SEMA3D: variants seen among roughly 807,000 people sequenced by gnomAD.
SEMA3D encodes semaphorin 3D.
SEMA3D carries 84 observed loss-of-function variants against 100.1 expected under a neutral mutation model. That is an observed-to-expected ratio of 0.84 (90% CI 0.70 to 1.01). The LOEUF (loss-of-function observed/expected upper bound fraction) is 1.01. Among genes scored for constraint, SEMA3D ranks in the 50% least tolerant of loss-of-function variants. The pLI, the probability that SEMA3D is intolerant of heterozygous loss-of-function variation, is 0.00. For synonymous variants in SEMA3D, 312 were observed against 320.7 expected (o/e 0.97, Z 0.29); for missense variants, 875 against 934.1 (o/e 0.94, Z 0.82).
intron 1 of SEMA3D, among the ~76,000 whole-genome samples, chr7:85,154,786 A>C (rs1790535473): frequency 6.6e-6 from 1 of 152,184 alleles, no homozygotes. Context: ...GGCCCTAAAT[A>C]ATAGACAACC....
At chr7:85,091,503 TA>T (rs550466922) in intron 4 of SEMA3D, among the ~76,000 whole-genome samples, 41 of 144,404 alleles carry the variant, frequency 2.8e-4, no homozygotes, top group Admixed American at 2.8e-4. Flanking sequence ...ATGACTCCAT[TA>T]AAAAAAAAAG....
chr7:85,082,834 T>C (rs1005640073), intron 4 of SEMA3D, among the ~76,000 whole-genome samples: 23 of 152,184 alleles, frequency 1.5e-4, no homozygotes, highest in Non-Finnish European at 2.2e-4. Context: ...GATCTTAACA[T>C]TCACAAATTA....
At chr7:85,147,665 C>G (rs1173589724) in intron 2 of SEMA3D, among the ~76,000 whole-genome samples, 1 of 152,018 alleles carries the variant, frequency 6.6e-6, no homozygotes, top group Non-Finnish European at 1.5e-5. Flanking sequence ...TCAATTTTTT[C>G]AAGTACCTTA....
chr7:85,183,686 G>T (rs543945018), intron 1 of SEMA3D, among the ~76,000 whole-genome samples: 15 of 152,338 alleles, frequency 9.8e-5, no homozygotes, highest in African/African-American at 3.6e-4. Flanking sequence ...GCAAAAGAAA[G>T]CCACAGCAAT....
chr7:85,190,262 TTG>T (rs1189789088), upstream of SEMA3D, among the ~76,000 whole-genome samples: 1 of 152,000 alleles, frequency 6.6e-6, no homozygotes, highest in Non-Finnish European at 1.5e-5. Flanking sequence ...ACAAGAAAAA[TTG>T]TGTTAAAAAG....
intron 1 of SEMA3D, among the ~76,000 whole-genome samples, chr7:85,177,270 G>A (rs1791262839): frequency 1.3e-5 from 2 of 152,194 alleles, no homozygotes; most frequent in African/African-American, 2.4e-5. Context: ...TCTATATTGT[G>A]GAACACATGT....
intron 11 of SEMA3D, among the ~76,000 whole-genome samples, chr7:85,039,969 CTTTTTTTTT>C (rs776990536): frequency 6.6e-5 from 6 of 90,622 alleles, no homozygotes; most frequent in African/African-American, 2.5e-4. Flanking sequence ...TACGCAAACA[CTTTTTTTTT>C]TTTTTTTTTT....
intron 8 of SEMA3D, among the ~76,000 whole-genome samples, chr7:85,063,729 A>G (rs1408830423): frequency 6.6e-6 from 1 of 152,044 alleles, no homozygotes; most frequent in Non-Finnish European, 1.5e-5. Flanking sequence ...AAAACATGCT[A>G]TTGTTTTTGT....
chr7:85,186,332 G>C (rs1005895424), intron 1 of SEMA3D, among the ~76,000 whole-genome samples: 22 of 152,178 alleles, frequency 1.4e-4, no homozygotes, highest in African/African-American at 5.1e-4. Flanking sequence ...GAACCAGGAA[G>C]CCAGGGAGAG....
At chr7:85,162,886 A>T (rs1790785185) in intron 1 of SEMA3D, among the ~76,000 whole-genome samples, 1 of 152,144 alleles carries the variant, frequency 6.6e-6, no homozygotes, top group Non-Finnish European at 1.5e-5. Context: ...AACTGACTGA[A>T]AGGAAAATAA....
At chr7:85,162,081 GT>G (rs869147578) in intron 1 of SEMA3D, among the ~76,000 whole-genome samples, 1,657 of 147,574 alleles carry the variant, frequency 0.011, 33 homozygotes, top group African/African-American at 0.036. Context: ...TGTAAAACGT[GT>G]TTTTTTTTTT....
At chr7:85,249,054 T>C in the SEMA3D span, among the ~76,000 whole-genome samples, 1 of 152,138 alleles carries the variant, frequency 6.6e-6, no homozygotes, top group East Asian at 1.9e-4. Flanking sequence ...ATGTTGACAA[T>C]GGGAGAGGTT....
intron 12 of SEMA3D, among the ~76,000 whole-genome samples, chr7:85,027,529 T>C (rs1016347995): frequency 2.6e-5 from 4 of 152,016 alleles, no homozygotes; most frequent in Non-Finnish European, 4.4e-5. Flanking sequence ...TAGTTGAAAA[T>C]ATTTTTTTCT....
At chr7:85,001,015 G>C (rs1330989651) in intron 18 of SEMA3D, among the ~76,000 whole-genome samples, 2 of 152,120 alleles carry the variant, frequency 1.3e-5, no homozygotes, top group Non-Finnish European at 2.9e-5. Context: ...CACAGTGGGT[G>C]GATTGTACTC....
chr7:85,044,748 T>C (rs1406895213), intron 9 of SEMA3D, among the ~76,000 whole-genome samples: 1 of 152,060 alleles, frequency 6.6e-6, no homozygotes, highest in East Asian at 1.9e-4. Context: ...TAAACCACAG[T>C]TTAAAATCTA....
At chr7:85,056,534 T>C (rs1043431935) in intron 8 of SEMA3D, among the ~76,000 whole-genome samples, 1 of 151,388 alleles carries the variant, frequency 6.6e-6, no homozygotes, top group Non-Finnish European at 1.5e-5. Context: ...ATAGCATTTA[T>C]ATACATATAG....
intron 10 of SEMA3D, chr7:85,041,386 GA>G (rs1289157834): frequency 1.3e-5 from 2 of 151,920 alleles, no homozygotes; most frequent in Non-Finnish European, 2.9e-5. Flanking sequence ...GTAACAATAA[GA>G]AAATAGCTAC....
the SEMA3D span, among the ~76,000 whole-genome samples, chr7:85,240,170 T>A: frequency 2.6e-5 from 4 of 152,126 alleles, no homozygotes; most frequent in African/African-American, 9.7e-5. Context: ...TTATTCAAGA[T>A]GTGAAAGTCC....
At position 84,997,356 on chromosome 7, in the gene SEMA3D, A is replaced by G. The variant is rs934588152; in HGVS notation, c.*2084T>C. On this transcript the variant is annotated 3_prime_UTR_variant, in exon 19 of 19. Coordinates refer to ENST00000284136, the MANE Select transcript of SEMA3D (RefSeq NM_001384900.1). ...CCCACTTAATTGCTTTGAGCTCGCTATGAGTTCCTGGAATATTTTGTCCAA... is the reference window on the plus strand; with the variant it reads ...CCCACTTAATTGCTTTGAGCTCGCTGTGAGTTCCTGGAATATTTTGTCCAA... The G allele has an allele frequency of 5.9e-5, 9 of 152,166 alleles. No individual in the cohort carries two copies. The highest frequency in any genetic ancestry group is 1.9e-4 in the East Asian group (1 of 5,182). 9.4% of individuals were successfully genotyped at this position (152,166 alleles called of 1,614,324 possible).
Sources: allele counts gnomAD v4.1 joint callset (sites outside exome capture counted in the v4.1 genomes callset), GRCh38; gene constraint gnomAD v4.1.1; transcripts MANE v1.5; gene names NCBI Gene and HGNC (gene_info 2026-07-23, HGNC 2026-07-21).